TOGARAM1: variants seen among roughly 807,000 people sequenced by gnomAD.
The protein encoded by TOGARAM1 is TOG array regulator of axonemal microtubules 1, also known as TOG array regulator of axonemal microtubules protein 1.
In TOGARAM1, 100 loss-of-function variants were observed where a neutral mutation model predicts 166.6. The ratio of observed to expected loss-of-function variants is 0.60; its 90% CI spans 0.51 to 0.71. The LOEUF is 0.71. Ranked by LOEUF, TOGARAM1 falls within the 30% of genes least tolerant of loss-of-function variation. The probability of loss-of-function intolerance (pLI) is 0.00; values close to 1 mark genes in which losing one functional copy is unlikely to be tolerated. For synonymous variants in TOGARAM1, 758 were observed against 763.8 expected (o/e 0.99, Z 0.13); for missense variants, 2,029 against 2,102.7 (o/e 0.96, Z 0.69).
At chr14:44,971,074 G>T (rs1195276594) in intron 1 of TOGARAM1, among the ~76,000 whole-genome samples, 1 of 152,072 alleles carries the variant, frequency 6.6e-6, no homozygotes, top group East Asian at 1.9e-4. Context: ...TGGCCTTTTA[G>T]AATGAGTCAG....
chr14:44,977,222 T>G (rs1260612853), intron 1 of TOGARAM1, among the ~76,000 whole-genome samples: 1 of 150,252 alleles, frequency 6.7e-6, no homozygotes, highest in East Asian at 1.9e-4. Context: ...TTGAAGAAAA[T>G]TAGACAGACT....
chr14:44,971,910 T>A (rs1253264697), intron 1 of TOGARAM1, among the ~76,000 whole-genome samples: 2 of 152,184 alleles, frequency 1.3e-5, no homozygotes, highest in Non-Finnish European at 2.9e-5. Flanking sequence ...GAAAAGAGAC[T>A]TCATTGACTC....
chr14:45,071,452 C>A (rs111481907), intron 18 of TOGARAM1, among the ~76,000 whole-genome samples: 9,266 of 151,758 alleles, frequency 0.061, 732 homozygotes, highest in African/African-American at 0.18. Flanking sequence ...TGCAGTGGCA[C>A]AATCATAGCT....
intron 1 of TOGARAM1, among the ~76,000 whole-genome samples, chr14:44,967,739 A>C (rs1284158554): frequency 6.6e-6 from 1 of 152,210 alleles, no homozygotes; most frequent in Non-Finnish European, 1.5e-5. Flanking sequence ...GTATGGAGAT[A>C]ATATCTTGCA....
At chr14:44,982,052 A>G (rs916768072) in intron 1 of TOGARAM1, among the ~76,000 whole-genome samples, 4 of 152,088 alleles carry the variant, frequency 2.6e-5, no homozygotes, top group Admixed American at 6.6e-5. Flanking sequence ...TATGTTGGCC[A>G]GGCTGGTCTT....
chr14:44,978,374 G>A (rs899192049), intron 1 of TOGARAM1: 2 of 152,168 alleles, frequency 1.3e-5, no homozygotes, highest in Non-Finnish European at 2.9e-5. Flanking sequence ...AACCATACAT[G>A]TATGACATAT....
intron 1 of TOGARAM1, among the ~76,000 whole-genome samples, chr14:44,982,833 G>C (rs980582430): frequency 6.6e-6 from 1 of 152,150 alleles, no homozygotes; most frequent in Non-Finnish European, 1.5e-5. Flanking sequence ...TCTTCTCAAT[G>C]ATGGTAAACA....
intron 1 of TOGARAM1, among the ~76,000 whole-genome samples, chr14:44,983,010 G>A (rs969090097): frequency 6.6e-6 from 1 of 152,138 alleles, no homozygotes; most frequent in Non-Finnish European, 1.5e-5. Context: ...ACAGCACAGG[G>A]ATATAACAGG....
chr14:45,009,225 C>T lies in TOGARAM1; in HGVS notation c.3137+80C>T, dbSNP rs967094400. ...AGCCCTAATATCATATTTGTAAAAACTTAAAACCATTTATGTTTTAGTTTT... is the reference window on the plus strand; with the variant it reads ...AGCCCTAATATCATATTTGTAAAAATTTAAAACCATTTATGTTTTAGTTTT... On this transcript the variant is annotated intron_variant, in intron 6 of 19. Transcript: ENST00000361462. 7 of 1,032,818 alleles carry T rather than the reference C, an allele frequency of 6.8e-6. No individual in the cohort carries two copies. The African/African-American group carries it at 1.1e-4, about 17-fold the overall frequency. 64.0% of individuals were successfully genotyped at this position (1,032,818 alleles called of 1,614,324 possible).
intron 7 of TOGARAM1, among the ~76,000 whole-genome samples, chr14:45,021,398 G>A (rs1413675295): frequency 6.6e-6 from 1 of 152,130 alleles, no homozygotes; most frequent in Non-Finnish European, 1.5e-5. Flanking sequence ...GAAACTCTTG[G>A]TAACGGGAGC....
chr14:44,968,906 C>T (rs556990690), intron 1 of TOGARAM1, among the ~76,000 whole-genome samples: 40 of 152,254 alleles, frequency 2.6e-4, no homozygotes, highest in African/African-American at 9.4e-4. Context: ...TCTACATGTA[C>T]ATTCTTCCCT....
At chr14:45,005,070 C>T (rs1266990848) in intron 4 of TOGARAM1, among the ~76,000 whole-genome samples, 1 of 151,894 alleles carries the variant, frequency 6.6e-6, no homozygotes, top group Non-Finnish European at 1.5e-5. Flanking sequence ...CATGCGCCAC[C>T]ATGCCCGGCT....
intron 7 of TOGARAM1, among the ~76,000 whole-genome samples, chr14:45,014,309 G>A (rs994954650): frequency 6.6e-6 from 1 of 152,016 alleles, no homozygotes; most frequent in African/African-American, 2.4e-5. Context: ...CCTAATTTTA[G>A]GAATCACCCT....
rs1446600339 is a variant in TOGARAM1, at chr14:45,032,308, A to G, written c.3744A>G (p.Glu1248=). 6.2e-7 allele frequency: 1 copy of G among 1,614,148 alleles called. No individual in the cohort carries two copies. The highest frequency in any genetic ancestry group is 2.2e-5 in the East Asian group (1 of 44,872). ...THSPEIMDLS[E]LRPFSKPEIA... is the part of the protein sequence containing the mutation. The stretch of plus-strand genomic sequence containing the variant: ...GTCCAGAAATAATGGATCTGTCAGA[A>G]CTACGACCATTCTCTAAACCAGAAA... Residue 1248 remains glutamate, a synonymous_variant, in exon 11 of 20, where the codon GAA becomes GAG. Coordinates refer to ENST00000361462, the MANE Select transcript of TOGARAM1 (RefSeq NM_001308120.2).
At chr14:45,009,566 T>C (rs1357943011) in intron 6 of TOGARAM1, among the ~76,000 whole-genome samples, 1 of 152,210 alleles carries the variant, frequency 6.6e-6, no homozygotes, top group African/African-American at 2.4e-5. Flanking sequence ...CAGCCATTAT[T>C]TTCTTATATC....
chr14:44,966,365 C>T (rs1029411029), intron 1 of TOGARAM1, among the ~76,000 whole-genome samples: 2 of 151,514 alleles, frequency 1.3e-5, no homozygotes, highest in African/African-American at 2.4e-5. Flanking sequence ...CTCAGCTACT[C>T]GGGAGGCTGA....
At chr14:45,066,989 G>C (rs1048060908) in intron 17 of TOGARAM1, among the ~76,000 whole-genome samples, 2 of 151,992 alleles carry the variant, frequency 1.3e-5, no homozygotes, top group Non-Finnish European at 2.9e-5. Flanking sequence ...TTAAAACATT[G>C]CCCTAAATCT....
Position 44,962,479 on chromosome 14 carries a change from T to C in TOGARAM1, c.58T>C (p.Tyr20His). Reference protein sequence around the residue: ...LLPPFPVLSTYRLQSRSRPSA... With the variant: ...LLPPFPVLSTHRLQSRSRPSA... ...GCCGCCCTTTCCAGTCCTCTCTACC[T>C]ATCGGCTCCAGAGCCGCAGTCGTCC... Residue 20 changes from tyrosine to histidine, a missense_variant, in exon 1 of 20, where the codon TAT (tyrosine) becomes CAT (histidine). Tyr to His is a moderately conservative substitution (Grantham distance 83). Around this residue, in one of 2 missense-constraint regions of TOGARAM1, gnomAD observed 1,453 missense variants for 1,432.2 expected, o/e 1.01. Coordinates refer to ENST00000361462, the MANE Select transcript of TOGARAM1 (RefSeq NM_001308120.2). 3.7e-6 allele frequency: 6 copies of C among 1,608,324 alleles called. No individual in the cohort carries two copies. Among genetic ancestry groups the C allele is most frequent in the Non-Finnish European group, 5.1e-6 (6 of 1,177,742 alleles).
intron 5 of TOGARAM1, chr14:45,006,468 T>G (rs1879439559): frequency 2.2e-6 from 1 of 455,026 alleles, no homozygotes. Context: ...AATAATTTAC[T>G]GTTAACACTC....
Sources: allele counts gnomAD v4.1 joint callset (sites outside exome capture counted in the v4.1 genomes callset), GRCh38; gene constraint gnomAD v4.1.1; regional missense constraint gnomAD v4.1.1; transcripts MANE v1.5; gene names NCBI Gene and HGNC (gene_info 2026-07-23, HGNC 2026-07-21).